The following NKD2 variants were observed in gnomAD, a reference collection of about 807,000 sequenced individuals.
The protein encoded by NKD2 is protein naked cuticle homolog 2.
NKD2 carries 43 observed loss-of-function variants against 34.8 expected under a neutral mutation model. That is an observed-to-expected ratio of 1.24 (90% CI 0.97 to 1.60). NKD2 has a LOEUF of 1.60. Ranked by LOEUF, NKD2 falls within the 40% of genes most tolerant of loss-of-function variation. The pLI is 0.00. For synonymous variants in NKD2, 278 were observed against 265.1 expected (o/e 1.05, Z -0.47); for missense variants, 675 against 627.1 (o/e 1.08, Z -0.82).
At position 1,036,817 on chromosome 5, in the gene NKD2, AG is replaced by A. The variant is rs1489999813; in HGVS notation, c.787+436del. 1.5e-5 allele frequency: 7 copies of A among 454,994 alleles called. No individual in the cohort carries two copies. The Admixed American group carries it at 1.7e-4, about 11-fold the overall frequency. 28.2% of individuals were successfully genotyped at this position (454,994 alleles called of 1,614,324 possible). ...GTGGACAACAGGCAGTGTGGACGGCAGGGCAGGCAGTGTGGACAACAGACAG... is the reference window on the plus strand; with the variant it reads ...GTGGACAACAGGCAGTGTGGACGGCAGGCAGGCAGTGTGGACAACAGACAG... On this transcript the variant is annotated intron_variant, in intron 9 of 9. Transcript: ENST00000296849.
Position 1,009,993 on chromosome 5 carries a change from T to G in NKD2, c.141+433T>G, listed in dbSNP as rs114880853. Among the ~76,000 whole-genome samples the G allele has an allele frequency of 8.1e-3, 1,238 of 152,228 alleles. 13 individuals are homozygous for G. Among genetic ancestry groups the G allele is most frequent in the Non-Finnish European group, 0.014 (932 of 67,990 alleles). On this transcript the variant is annotated intron_variant, in intron 3 of 9. Transcript: ENST00000296849. This position sits in a 1 kb window ranked among gnomAD's most constrained non-coding sequence, Gnocchi z 6.9. ...ACCTGGGGCATCACTGGTCATAGCCTCAGTGCTCAATCAGCAAACATGGCC... is the reference window on the plus strand; with the variant it reads ...ACCTGGGGCATCACTGGTCATAGCCGCAGTGCTCAATCAGCAAACATGGCC...
chr5:1,013,027 A>G (rs993503007), intron 3 of NKD2, among the ~76,000 whole-genome samples: 4 of 152,202 alleles, frequency 2.6e-5, no homozygotes, highest in Non-Finnish European at 5.9e-5. Context: ...GTGCGCCCAG[A>G]GACAAGGCAG....
rs1422405691 is a variant in NKD2 at position 1,038,400 on chromosome 5, C to T, written c.*27C>T. The T allele has an allele frequency of 4.9e-5, 75 of 1,535,578 alleles. No homozygotes were observed. The highest frequency in any genetic ancestry group is 6.3e-5 in the Non-Finnish European group (72 of 1,146,722). ...GCCACTGCCAAGCACACCTCGCTCC[C>T]AGCACACCACAGCCCGCGACCTCAG... On this transcript the variant is annotated 3_prime_UTR_variant, in exon 10 of 10. Coordinates refer to ENST00000296849, the MANE Select transcript of NKD2 (RefSeq NM_033120.4). This position sits in a 1 kb window ranked among gnomAD's most constrained non-coding sequence, Gnocchi z 4.5.
intron 3 of NKD2, among the ~76,000 whole-genome samples, chr5:1,030,722 G>A (rs1579269209): frequency 6.6e-6 from 1 of 152,304 alleles, no homozygotes; most frequent in East Asian, 1.9e-4. Context: ...GTCCCGGAAT[G>A]TCGGGACTGC....
intron 3 of NKD2, among the ~76,000 whole-genome samples, chr5:1,026,692 C>T (rs1036868480): frequency 6.6e-6 from 1 of 152,246 alleles, no homozygotes; most frequent in African/African-American, 2.4e-5. Flanking sequence ...AGCCCGTGTG[C>T]CATATCCCAA....
chr5:1,035,346 TGAA>T, intron 7 of NKD2, 40 bp from the exon 8 acceptor site: 1 of 1,436,870 alleles, frequency 7.0e-7, no homozygotes, highest in South Asian at 1.2e-5. Flanking sequence ...GAATGCTGAA[TGAA>T]GGAGGGAGGG....
intron 3 of NKD2, among the ~76,000 whole-genome samples, chr5:1,020,552 A>G (rs541010099): frequency 3.3e-5 from 5 of 151,840 alleles, no homozygotes; most frequent in Admixed American, 6.6e-5. Context: ...TCCCCCTCCC[A>G]TCCGCGTCGG....
At chr5:1,033,823 C>T (rs1756743022) in intron 5 of NKD2, among the ~76,000 whole-genome samples, 1 of 152,216 alleles carries the variant, frequency 6.6e-6, no homozygotes, top group South Asian at 2.1e-4. Flanking sequence ...CAGCCCGACT[C>T]TCTGCCCGCT....
intron 3 of NKD2, among the ~76,000 whole-genome samples, chr5:1,029,919 A>G (rs1756573260): frequency 1.3e-5 from 2 of 150,714 alleles, no homozygotes; most frequent in South Asian, 4.2e-4. Flanking sequence ...GCTATCTGTA[A>G]GGAGGCTCAG....
chr5:1,026,906 T>C (rs10040614), intron 3 of NKD2, among the ~76,000 whole-genome samples: 15,543 of 152,284 alleles, frequency 0.1, 1,232 homozygotes, highest in African/African-American at 0.21. Context: ...TCCTCACCAC[T>C]TGGCATCCTG....
chr5:1,009,080 A>G lies in NKD2; in HGVS notation c.23A>G (p.His8Arg). Reference sequence around the variant, plus strand: ...GCGATGGGGAAACTGCAGTCGAAGCACGGTGAGCCGCGGGCCGGTAGGGCG... The same window carrying G: ...GCGATGGGGAAACTGCAGTCGAAGCGCGGTGAGCCGCGGGCCGGTAGGGCG... MGKLQSKHAAAARKRRES... is the reference protein window; with the variant it reads MGKLQSKRAAAARKRRES... Residue 8 changes from histidine to arginine, a missense_variant and splice_region_variant, in exon 1 of 10, where the codon CAC (histidine) becomes CGC (arginine). By Grantham distance (29) the His-to-Arg change is conservative. Coordinates refer to ENST00000296849, the MANE Select transcript of NKD2 (RefSeq NM_033120.4). This position sits in a 1 kb window ranked among gnomAD's most constrained non-coding sequence, Gnocchi z 6.9. 1 of 291,438 alleles carries G rather than the reference A, an allele frequency of 3.4e-6. No homozygotes were observed. The highest frequency in any genetic ancestry group is 6.0e-6 in the Non-Finnish European group (1 of 165,366). The allele number at this position is 291,438 out of a possible 1,614,324, so 18.1% of individuals were successfully genotyped here. A position where few individuals can be genotyped will look rare whatever the true frequency, so the allele number is the denominator to read the frequency against.
intron 3 of NKD2, among the ~76,000 whole-genome samples, chr5:1,013,568 G>T (rs1408243646): frequency 6.6e-6 from 1 of 152,254 alleles, no homozygotes; most frequent in Non-Finnish European, 1.5e-5. Flanking sequence ...CATAGGACGG[G>T]TTGGATACCA....
intron 5 of NKD2, 52 bp downstream of exon 5, chr5:1,033,551 C>T: frequency 6.6e-7 from 1 of 1,514,708 alleles, no homozygotes; most frequent in Non-Finnish European, 8.9e-7. Flanking sequence ...GGGCCGGGGG[C>T]TCAGGGACAG....
Position 1,037,773 on chromosome 5 carries a change from C to T in NKD2, c.788-32C>T, listed in dbSNP as rs369332599. The T allele has an allele frequency of 1.1e-4, 171 of 1,563,282 alleles. 1 individual carries two copies. Among genetic ancestry groups the T allele is most frequent in the East Asian group, 1.1e-3 (47 of 44,380 alleles). ...GAGATGGGAACCTGAGCCTGCACTC[C>T]CAGGGCCTCACACTCTGACCTGTGT... On this transcript the variant is annotated intron_variant, in intron 9 of 9. Transcript: ENST00000296849.
chr5:1,036,488 C>A, intron 9 of NKD2, 104 bp downstream of exon 9: 2 of 548,964 alleles, frequency 3.6e-6, no homozygotes, highest in Admixed American at 4.4e-5. Flanking sequence ...CCCTGCCCTG[C>A]CCCGCCCCCC....
Position 1,008,901 on chromosome 5 carries a change from T to TC in NKD2, c.-152dup, listed in dbSNP as rs938835909. On this transcript the variant is annotated 5_prime_UTR_variant, in exon 1 of 10. Coordinates refer to ENST00000296849, the MANE Select transcript of NKD2 (RefSeq NM_033120.4). ...GCGGCCGTACCTGGCGCCCCCTGGC[T>TC]CCCCCGGCCCCCGCGCGGCGTGGAG... 1 of 375,334 alleles carries TC rather than the reference T, an allele frequency of 2.7e-6. No homozygotes were observed. The highest frequency in any genetic ancestry group is 2.1e-5 in the African/African-American group (1 of 47,380). 23.3% of individuals were successfully genotyped at this position (375,334 alleles called of 1,614,324 possible). A position where few individuals can be genotyped will look rare whatever the true frequency, so the allele number is the denominator to read the frequency against.
At chr5:1,017,877 G>A (rs756269490) in intron 3 of NKD2, among the ~76,000 whole-genome samples, 11 of 151,518 alleles carry the variant, frequency 7.3e-5, no homozygotes, top group Non-Finnish European at 1.2e-4. Flanking sequence ...TACAGGGCCC[G>A]TGGTGCTGGG....
chr5:1,032,322 C>T (rs1390355493), intron 4 of NKD2, 110 bp downstream of exon 4: 7 of 822,546 alleles, frequency 8.5e-6, no homozygotes, highest in African/African-American at 6.9e-5. Context: ...AGCGAGGGCA[C>T]TTCCCAGGCT....
intron 4 of NKD2, among the ~76,000 whole-genome samples, chr5:1,032,775 C>T (rs1260327175): frequency 6.6e-6 from 1 of 152,228 alleles, no homozygotes; most frequent in Non-Finnish European, 1.5e-5. Context: ...GAGCATCGTC[C>T]CAGCTCAGGC....
Sources: allele counts gnomAD v4.1 joint callset (sites outside exome capture counted in the v4.1 genomes callset), GRCh38; gene constraint gnomAD v4.1.1; non-coding constraint Gnocchi (gnomAD v3.1); transcripts MANE v1.5; gene names NCBI Gene and HGNC (gene_info 2026-07-23, HGNC 2026-07-21).